PHKB: variants seen among roughly 807,000 people sequenced by gnomAD.
The protein encoded by PHKB is phosphorylase kinase regulatory subunit beta, also known as phosphorylase b kinase regulatory subunit beta.
PHKB carries 122 observed loss-of-function variants against 152.1 expected under a neutral mutation model. The ratio of observed to expected loss-of-function variants is 0.80; its 90% CI spans 0.69 to 0.93. The LOEUF is 0.93. Among genes scored for constraint, PHKB ranks in the 40% least tolerant of loss-of-function variants. The pLI, the probability that PHKB is intolerant of heterozygous loss-of-function variation, is 0.00. For synonymous variants in PHKB, 436 were observed against 464.9 expected, an observed-to-expected ratio of 0.94 and a Z score of 0.80; for missense variants, 1,304 against 1,328.4, an observed-to-expected ratio of 0.98 and a Z score of 0.29.
At chr16:47,539,917 C>T (rs1423070644) in intron 6 of PHKB, among the ~76,000 whole-genome samples, 1 of 152,072 alleles carries the variant, frequency 6.6e-6, no homozygotes, top group East Asian at 1.9e-4. Context: ...GAAATCAGTG[C>T]ACCTTGAAAA....
intron 10 of PHKB, 68 bp downstream of exon 10, chr16:47,589,170 C>A: frequency 8.3e-7 from 1 of 1,207,892 alleles, no homozygotes; most frequent in Admixed American, 1.8e-5. Context: ...GGAGACTGAC[C>A]ATTGGGTTTG....
intron 25 of PHKB, 52 bp downstream of exon 25, chr16:47,665,027 T>C (rs755258497): frequency 2.6e-6 from 3 of 1,155,184 alleles, no homozygotes; most frequent in South Asian, 2.5e-5. Context: ...TGTGGGCTTA[T>C]TTGCACTCTG....
intron 1 of PHKB, among the ~76,000 whole-genome samples, chr16:47,476,111 CCTTT>C (rs146046467): frequency 0.02 from 3,060 of 152,208 alleles, 99 homozygotes; most frequent in African/African-American, 0.069. Context: ...CTCAAGCAAT[CCTTT>C]CTTCTCAGCC....
chr16:47,520,359 C>G (rs1020629247), intron 6 of PHKB, among the ~76,000 whole-genome samples: 11 of 152,176 alleles, frequency 7.2e-5, no homozygotes, highest in African/African-American at 2.4e-5. Context: ...ATCCTTACAG[C>G]AACTCTGTCA....
intron 26 of PHKB, among the ~76,000 whole-genome samples, chr16:47,686,021 T>A (rs896539884): frequency 6.6e-6 from 1 of 152,222 alleles, no homozygotes; most frequent in Non-Finnish European, 1.5e-5. Flanking sequence ...ATTACCGGCA[T>A]GAGCCACCGT....
chr16:47,534,489 T>C (rs1970918361), intron 6 of PHKB, among the ~76,000 whole-genome samples: 1 of 152,182 alleles, frequency 6.6e-6, no homozygotes, highest in Non-Finnish European at 1.5e-5. Context: ...ACTGTTATGG[T>C]AGGATTTTAA....
chr16:47,612,513 G>A (rs8044898), intron 14 of PHKB, among the ~76,000 whole-genome samples: 3,053 of 152,278 alleles, frequency 0.02, 100 homozygotes, highest in African/African-American at 0.069. Flanking sequence ...GGAGATGAGT[G>A]ACTGAGAGTG....
intron 6 of PHKB, among the ~76,000 whole-genome samples, chr16:47,532,758 C>T (rs1429481784): frequency 5.9e-5 from 9 of 152,362 alleles, no homozygotes. Context: ...CAGGGAGCTC[C>T]CACGTCTGGG....
chr16:47,559,779 A>T (rs1406668508), intron 7 of PHKB, among the ~76,000 whole-genome samples: 2 of 152,230 alleles, frequency 1.3e-5, no homozygotes, highest in African/African-American at 4.8e-5. Flanking sequence ...AGAGTCACTA[A>T]GGCCAGCCCA....
intron 10 of PHKB, among the ~76,000 whole-genome samples, chr16:47,591,792 GT>G (rs1306830761): frequency 1.3e-5 from 2 of 152,048 alleles, no homozygotes; most frequent in South Asian, 2.1e-4. Context: ...TTCCACTCCT[GT>G]GCCCGAGCCC....
intron 13 of PHKB, among the ~76,000 whole-genome samples, chr16:47,605,035 C>T (rs187610443): frequency 6.6e-6 from 1 of 152,174 alleles, no homozygotes; most frequent in African/African-American, 2.4e-5. Context: ...CTATTTTTGC[C>T]TCCTGAATGA....
At position 47,669,434 on chromosome 16, in the gene PHKB, G is replaced by T. The variant is rs761204835; in HGVS notation, c.2630+17G>T. 1 of 1,609,246 alleles carries T rather than the reference G, an allele frequency of 6.2e-7. No homozygotes were observed. The highest frequency in any genetic ancestry group is 1.7e-5 in the Admixed American group (1 of 60,004). ...ACGAATCGGGTGAGTGAAGTCCTTT[G>T]CATTTGCATAAAGAGAATTGTTCAA... On this transcript the variant is annotated intron_variant, in intron 26 of 30. Transcript: ENST00000323584.
intron 7 of PHKB, among the ~76,000 whole-genome samples, chr16:47,575,933 G>A (rs1036830410): frequency 4.6e-5 from 7 of 152,054 alleles, no homozygotes; most frequent in African/African-American, 1.4e-4. Context: ...AAAATCAGCC[G>A]GGTGTGGTGG....
At chr16:47,533,671 G>A (rs1453795302) in intron 6 of PHKB, among the ~76,000 whole-genome samples, 1 of 152,220 alleles carries the variant, frequency 6.6e-6, no homozygotes, top group East Asian at 1.9e-4. Flanking sequence ...GGTACTGACA[G>A]CAGGGAGAAG....
intron 24 of PHKB, 63 bp downstream of exon 24, chr16:47,663,797 G>T: frequency 1.1e-6 from 1 of 939,992 alleles, no homozygotes; most frequent in Non-Finnish European, 1.8e-6. Context: ...ATAGCCTAAA[G>T]AAAATGGACC....
chr16:47,546,715 T>A (rs1395682330), intron 6 of PHKB, among the ~76,000 whole-genome samples: 2 of 152,110 alleles, frequency 1.3e-5, no homozygotes, highest in African/African-American at 2.4e-5. Context: ...CCCCCACAAG[T>A]GGAGTCTACA....
At chr16:47,554,259 G>C (rs1399190290) in intron 7 of PHKB, among the ~76,000 whole-genome samples, 1 of 152,144 alleles carries the variant, frequency 6.6e-6, no homozygotes, top group African/African-American at 2.4e-5. Context: ...CAGCAGCTTT[G>C]CTGAGCTGTG....
chr16:47,670,971 C>T (rs1190899770), intron 26 of PHKB, among the ~76,000 whole-genome samples: 1 of 152,102 alleles, frequency 6.6e-6, no homozygotes, highest in East Asian at 1.9e-4. Context: ...ACAATATTAT[C>T]ATCTGGTCCG....
At position 47,698,486 on chromosome 16, in the gene PHKB, C is replaced by T. The variant is rs149234185; in HGVS notation, c.3042C>T (p.Pro1014=). The change falls in exon 30 of 31, where the codon CCC becomes CCT. Residue 1014 remains proline, a synonymous_variant. Coordinates refer to ENST00000323584, the MANE Select transcript of PHKB (RefSeq NM_000293.3). ...MVVSIVLERN[P]ELEFQDKVDL... is the part of the protein sequence containing the mutation. ...TATCCATTGTACTGGAAAGAAACCC[C>T]GAGCTAGAATTTCAAGACAAAGTAG... 54 of 1,611,296 alleles carry T rather than the reference C, an allele frequency of 3.4e-5. No individual in the cohort carries two copies. The East Asian group carries it at 4.5e-4, about 13-fold the overall frequency.
Sources: allele counts gnomAD v4.1 joint callset (sites outside exome capture counted in the v4.1 genomes callset), GRCh38; gene constraint gnomAD v4.1.1; transcripts MANE v1.5; gene names NCBI Gene and HGNC (gene_info 2026-07-23, HGNC 2026-07-21).